Variants in PTPRG observed in about 807,000 individuals in gnomAD.
PTPRG encodes the protein protein tyrosine phosphatase receptor type G, also known as receptor-type tyrosine-protein phosphatase gamma.
PTPRG carries 102 observed loss-of-function variants against 165.3 expected under a neutral mutation model. The observed-to-expected ratio is 0.62, with a 90% CI of 0.53 to 0.73. PTPRG has a LOEUF of 0.73. Among genes scored for constraint, PTPRG ranks in the 30% least tolerant of loss-of-function variants. The probability of loss-of-function intolerance (pLI) is 0.00; values close to 1 mark genes in which losing one functional copy is unlikely to be tolerated. For synonymous variants in PTPRG, 675 were observed against 669.5 expected (o/e 1.01, Z -0.13); for missense variants, 1,866 against 1,861.4 (o/e 1.00, Z -0.05).
intron 1 of PTPRG, among the ~76,000 whole-genome samples, chr3:61,717,344 C>G (rs1294109439): frequency 6.6e-6 from 1 of 152,184 alleles, no homozygotes; most frequent in Non-Finnish European, 1.5e-5. Context: ...GATGAGGAAA[C>G]TAAGGACTGA....
chr3:61,824,702 G>T (rs1329615525), intron 2 of PTPRG, among the ~76,000 whole-genome samples: 1 of 152,186 alleles, frequency 6.6e-6, no homozygotes, highest in Admixed American at 6.5e-5. Flanking sequence ...GAAGCAGGAG[G>T]ATCAGTCAAG....
intron 4 of PTPRG, among the ~76,000 whole-genome samples, chr3:62,021,857 C>CTTTTCTTTT (rs1406333299): frequency 2.1e-5 from 2 of 97,110 alleles, no homozygotes; most frequent in African/African-American, 7.8e-5. Context: ...TTTTCCTTTT[C>CTTTTCTTTT]TTTTTTTTTT....
intron 2 of PTPRG, among the ~76,000 whole-genome samples, chr3:61,944,694 ATTTTCT>A (rs1384267531): frequency 6.6e-6 from 1 of 152,056 alleles, no homozygotes; most frequent in African/African-American, 2.4e-5. Context: ...TGAAAAAAAA[ATTTTCT>A]TTTTCAATTT....
intron 1 of PTPRG, among the ~76,000 whole-genome samples, chr3:61,695,709 C>A (rs2030535630): frequency 6.6e-6 from 1 of 152,168 alleles, no homozygotes; most frequent in Admixed American, 6.5e-5. Context: ...ATGATGAGTT[C>A]TACAGCTAGT....
chr3:61,826,771 C>T (rs1374461575), intron 2 of PTPRG, among the ~76,000 whole-genome samples: 1 of 151,312 alleles, frequency 6.6e-6, no homozygotes, highest in Non-Finnish European at 1.5e-5. Context: ...TGTGAAGTAT[C>T]ATAGGTCTAG....
In PTPRG at chr3:62,240,872, C is replaced by T. The variant is rs535467311; in HGVS notation, c.2376-2935C>T. ...ACCACCACATCATTCTTATTTTCTT[C>T]ATTGCTCTTGACTATTTGAAGCAAT... is the stretch of plus-strand genomic sequence containing the variant. On this transcript the variant is annotated intron_variant, in intron 14 of 29. Coordinates refer to ENST00000474889, the MANE Select transcript of PTPRG (RefSeq NM_002841.4). The surrounding 1 kb of genome is among the most constrained non-coding windows in gnomAD (Gnocchi z 5.1). 1.3e-5 allele frequency among the ~76,000 whole-genome samples: 2 copies of T among 152,318 alleles called. No homozygotes were observed. The highest frequency in any genetic ancestry group is 4.1e-4 in the South Asian group (2 of 4,828).
At chr3:61,748,643 A>G (rs1363141148) in intron 1 of PTPRG, among the ~76,000 whole-genome samples, 3 of 151,752 alleles carry the variant, frequency 2.0e-5, no homozygotes. Flanking sequence ...TGCTTAGTGT[A>G]CTGCACTTCT....
rs1208515042 is a variant in PTPRG, at chr3:61,738,271, T to TACAC, written c.86-10606_86-10605insCACA. On this transcript the variant is annotated intron_variant, in intron 1 of 29. Coordinates refer to ENST00000474889, the MANE Select transcript of PTPRG (RefSeq NM_002841.4). ...CTTTGTCCATTTTTATATATATATATATATATACATATATATATATATATA... is the reference window on the plus strand; with the variant it reads ...CTTTGTCCATTTTTATATATATATATACACATATATACATATATATATATATATA... Among the ~76,000 whole-genome samples, 219 of 66,708 alleles carry TACAC rather than the reference T, an allele frequency of 3.3e-3. 7 individuals are homozygous for TACAC. Among genetic ancestry groups the TACAC allele is most frequent in the African/African-American group, 9.4e-3 (145 of 15,446 alleles). 43.8% of individuals were successfully genotyped at this position (66,708 alleles called of 152,430 possible). A position where few individuals can be genotyped will look rare whatever the true frequency, so the allele number is the denominator to read the frequency against.
intron 2 of PTPRG, among the ~76,000 whole-genome samples, chr3:61,969,584 T>A (rs567710930): frequency 6.6e-6 from 1 of 152,166 alleles, no homozygotes; most frequent in East Asian, 1.9e-4. Context: ...AGGAGTAAAG[T>A]GAGGAGGTGA....
At chr3:62,138,228 A>T (rs967862469) in intron 6 of PTPRG, among the ~76,000 whole-genome samples, 1 of 152,226 alleles carries the variant, frequency 6.6e-6, no homozygotes, top group African/African-American at 2.4e-5. Context: ...AAATAAATAT[A>T]AAATAAACAG....
intron 2 of PTPRG, among the ~76,000 whole-genome samples, chr3:61,830,635 C>T (rs961669525): frequency 3.6e-5 from 5 of 140,440 alleles, no homozygotes; most frequent in African/African-American, 1.1e-4. Flanking sequence ...AGTGCAATGC[C>T]GTGATCTCGG....
intron 2 of PTPRG, among the ~76,000 whole-genome samples, chr3:61,811,841 C>T (rs924423029): frequency 6.6e-6 from 1 of 152,136 alleles, no homozygotes; most frequent in Non-Finnish European, 1.5e-5. Context: ...CCTGTTATTA[C>T]AGCTTGAGTT....
chr3:61,607,491 C>G (rs762042571), intron 1 of PTPRG, among the ~76,000 whole-genome samples: 1 of 152,110 alleles, frequency 6.6e-6, no homozygotes, highest in Non-Finnish European at 1.5e-5. Flanking sequence ...ACATCGCTAC[C>G]GCTCTCATTT....
intron 2 of PTPRG, among the ~76,000 whole-genome samples, chr3:61,937,739 A>C (rs762657077): frequency 6.6e-5 from 10 of 152,168 alleles, no homozygotes; most frequent in Non-Finnish European, 1.2e-4. Flanking sequence ...GTGACGGCAA[A>C]AGGAGAACAT....
intron 4 of PTPRG, among the ~76,000 whole-genome samples, chr3:62,046,763 C>G (rs377568178): frequency 3.3e-5 from 5 of 152,074 alleles, no homozygotes; most frequent in South Asian, 2.1e-4. Context: ...AGAAGACATC[C>G]TTAAGTTTAA....
At chr3:61,652,291 C>T (rs980297895) in intron 1 of PTPRG, among the ~76,000 whole-genome samples, 10 of 152,228 alleles carry the variant, frequency 6.6e-5, no homozygotes, top group African/African-American at 1.9e-4. Context: ...GGAGACAGAG[C>T]GAGACTCCGT....
At chr3:61,652,980 C>T (rs188085803) in intron 1 of PTPRG, among the ~76,000 whole-genome samples, 5 of 152,302 alleles carry the variant, frequency 3.3e-5, no homozygotes, top group African/African-American at 1.2e-4. Context: ...TACACTACAA[C>T]CACCAGATAT....
chr3:62,234,717 C>T (rs911631765), intron 14 of PTPRG, among the ~76,000 whole-genome samples: 3 of 151,982 alleles, frequency 2.0e-5, no homozygotes, highest in African/African-American at 7.3e-5. Flanking sequence ...TTTCCCAATT[C>T]ATAGTTTACT....
intron 2 of PTPRG, among the ~76,000 whole-genome samples, chr3:61,878,532 C>T (rs568065309): frequency 6.6e-6 from 1 of 152,260 alleles, no homozygotes; most frequent in East Asian, 1.9e-4. Context: ...ATCGCTCTGT[C>T]ACCCAGGTTG....
Sources: gnomAD v4.1 joint callset for allele counts (sites outside exome capture counted in the v4.1 genomes callset) on GRCh38, gnomAD v4.1.1 for gene constraint, Gnocchi (gnomAD v3.1) non-coding constraint, MANE v1.5 for transcripts, NCBI Gene and HGNC (gene_info 2026-07-23, HGNC 2026-07-21) for gene names.